TRAF3IP1: variants seen among roughly 807,000 people sequenced by gnomAD.
The protein encoded by TRAF3IP1 is intraflagellar transport 54, also known as TRAF3-interacting protein 1.
Under a neutral mutation model 89.9 loss-of-function variants are expected in TRAF3IP1, and 53 were observed. The ratio of observed to expected loss-of-function variants is 0.59; its 90% CI spans 0.47 to 0.74. The LOEUF (loss-of-function observed/expected upper bound fraction) is 0.74, where lower values mean the gene tolerates loss of function less well. Among genes scored for constraint, TRAF3IP1 ranks in the 30% least tolerant of loss-of-function variants. The probability of loss-of-function intolerance (pLI) is 0.00; values close to 1 mark genes in which losing one functional copy is unlikely to be tolerated. For missense variants in TRAF3IP1, 806 were observed against 866.1 expected, an observed-to-expected ratio of 0.93 and a Z score of 0.87; for synonymous variants, 311 against 322.1, an observed-to-expected ratio of 0.97 and a Z score of 0.37.
intron 14 of TRAF3IP1, among the ~76,000 whole-genome samples, chr2:238,354,750 A>G (rs1184361987): frequency 1.3e-5 from 2 of 152,104 alleles, no homozygotes; most frequent in African/African-American, 2.4e-5. Context: ...TCCCGGGGTC[A>G]AAAGATTCTC....
At chr2:238,361,506 C>T (rs1407403852) in intron 15 of TRAF3IP1, among the ~76,000 whole-genome samples, 1 of 152,044 alleles carries the variant, frequency 6.6e-6, no homozygotes, top group Non-Finnish European at 1.5e-5. Context: ...TTCTTTTTCA[C>T]GTCTAGGTCT....
rs147086754 is a variant in TRAF3IP1, at chr2:238,329,051, C to T, written c.624C>T (p.Gly208=). ...ACAAGGAGAAGGCCAAGGAGAATGG[C>T]GGAAACAGACACAGAGAAGGGGAGA... ...DKDKEKAKEN[G]GNRHREGERE... Residue 208 remains glycine, a synonymous_variant, in exon 5 of 17, where the codon GGC becomes GGT. Transcript: ENST00000373327. The T allele has an allele frequency of 4.6e-5, 72 of 1,551,118 alleles. No homozygotes were observed. The highest frequency in any genetic ancestry group is 3.3e-4 in the Middle Eastern group (2 of 5,994).
rs1000621034 is a variant in TRAF3IP1, at chr2:238,351,441, G to T, written c.1452-1386G>T. ...AATTACTGACCTTCCCTCTGGGCCC[G>T]TGACAAGAGGCCGGTGGGAGGAGCA... On this transcript the variant is annotated intron_variant, in intron 12 of 16. Coordinates refer to ENST00000373327, the MANE Select transcript of TRAF3IP1 (RefSeq NM_015650.4). This position sits in a 1 kb window ranked among gnomAD's most constrained non-coding sequence, Gnocchi z 5.2. Among the ~76,000 whole-genome samples the T allele has an allele frequency of 1.3e-5, 2 of 152,104 alleles. No individual in the cohort carries two copies. The highest frequency in any genetic ancestry group is 1.3e-4 in the Admixed American group (2 of 15,282).
At chr2:238,340,000 C>T (rs1333797970) in intron 8 of TRAF3IP1, among the ~76,000 whole-genome samples, 1 of 144,950 alleles carries the variant, frequency 6.9e-6, no homozygotes, top group East Asian at 2.2e-4. Context: ...CTGATGCCAC[C>T]TGCTGGGGAG....
At chr2:238,390,091 T>C (rs79776530) in intron 15 of TRAF3IP1, among the ~76,000 whole-genome samples, 5,158 of 152,238 alleles carry the variant, frequency 0.034, 276 homozygotes, top group African/African-American at 0.12. Context: ...AAACAGTCTT[T>C]AGCCCGCAGG....
intron 15 of TRAF3IP1, among the ~76,000 whole-genome samples, chr2:238,363,104 G>A (rs997876021): frequency 6.6e-6 from 1 of 151,926 alleles, no homozygotes; most frequent in Non-Finnish European, 1.5e-5. Flanking sequence ...GTGAGACTTT[G>A]AAAAAACTAT....
chr2:238,339,433 C>T (rs141052212), intron 8 of TRAF3IP1, among the ~76,000 whole-genome samples: 35 of 152,340 alleles, frequency 2.3e-4, no homozygotes, highest in African/African-American at 7.9e-4. Context: ...TTTGTGGGAG[C>T]TTTCCTCATC....
At position 238,351,249 on chromosome 2, in the gene TRAF3IP1, A is replaced by G. The variant is rs373046702; in HGVS notation, c.1452-1578A>G. Among the ~76,000 whole-genome samples the G allele has an allele frequency of 1.3e-5, 2 of 152,198 alleles. 1 individual carries two copies. Among genetic ancestry groups the G allele is most frequent in the South Asian group, 4.1e-4 (2 of 4,828 alleles). ...GAAGGATCATTTCTCAATACTTGAA[A>G]TCACAAGTAAGACAGGAGCACCGTT... On this transcript the variant is annotated intron_variant, in intron 12 of 16. Coordinates refer to ENST00000373327, the MANE Select transcript of TRAF3IP1 (RefSeq NM_015650.4). This position sits in a 1 kb window ranked among gnomAD's most constrained non-coding sequence, Gnocchi z 5.2.
intron 15 of TRAF3IP1, among the ~76,000 whole-genome samples, chr2:238,369,000 C>T (rs906849710): frequency 1.3e-5 from 2 of 152,096 alleles, no homozygotes; most frequent in Non-Finnish European, 2.9e-5. Flanking sequence ...AAATAAAATA[C>T]ACTGTGTCTA....
chr2:238,326,510 T>C (rs1697841112), intron 3 of TRAF3IP1, among the ~76,000 whole-genome samples: 1 of 151,920 alleles, frequency 6.6e-6, no homozygotes, highest in South Asian at 2.1e-4. Context: ...GGAGTAGATT[T>C]TTTCTTTCTT....
chr2:238,335,847 T>A (rs923475120), intron 7 of TRAF3IP1, among the ~76,000 whole-genome samples: 1 of 151,912 alleles, frequency 6.6e-6, no homozygotes, highest in South Asian at 2.1e-4. Flanking sequence ...GTTGCCAGAC[T>A]GGAGTGCAGT....
intron 15 of TRAF3IP1, among the ~76,000 whole-genome samples, chr2:238,391,644 G>T (rs1304151565): frequency 6.6e-6 from 1 of 152,104 alleles, no homozygotes; most frequent in Non-Finnish European, 1.5e-5. Flanking sequence ...TAAATTATAA[G>T]CTTTAAGATT....
intron 15 of TRAF3IP1, among the ~76,000 whole-genome samples, chr2:238,362,598 G>A (rs937442416): frequency 6.6e-6 from 1 of 152,156 alleles, no homozygotes; most frequent in Non-Finnish European, 1.5e-5. Flanking sequence ...TTCTCCTTCA[G>A]GATATTTACT....
In TRAF3IP1 at chr2:238,333,958, A is replaced by C; in HGVS notation, c.988-2A>C. ...ATTTCTTTTCATTCTTTTTTCTTTA[A>C]GACTGAGATTTCCACTAGAGCTTCC... On this transcript the variant is annotated splice_acceptor_variant, in intron 6 of 16. Transcript: ENST00000373327. LOFTEE classifies it high-confidence loss of function. The C allele has an allele frequency of 6.2e-7, 1 of 1,603,110 alleles. No individual in the cohort carries two copies. The highest frequency in any genetic ancestry group is 2.2e-5 in the East Asian group (1 of 44,828).
At chr2:238,341,938 T>C (rs1435553059) in intron 8 of TRAF3IP1, among the ~76,000 whole-genome samples, 3 of 151,964 alleles carry the variant, frequency 2.0e-5, no homozygotes, top group African/African-American at 4.8e-5. Context: ...CAGATTGTGC[T>C]TATGCTGTGA....
chr2:238,359,216 C>A (rs758466445), intron 15 of TRAF3IP1, among the ~76,000 whole-genome samples: 1 of 152,196 alleles, frequency 6.6e-6, no homozygotes, highest in Non-Finnish European at 1.5e-5. Context: ...CTCAAAGTGG[C>A]TGTACCAATT....
intron 15 of TRAF3IP1, among the ~76,000 whole-genome samples, chr2:238,385,309 C>G (rs1700724417): frequency 6.6e-6 from 1 of 152,188 alleles, no homozygotes; most frequent in Non-Finnish European, 1.5e-5. Context: ...AACCGCTGCG[C>G]CTGGCCTGTA....
chr2:238,381,358 GC>G (rs1700543317), intron 15 of TRAF3IP1, among the ~76,000 whole-genome samples: 1 of 152,184 alleles, frequency 6.6e-6, no homozygotes, highest in Non-Finnish European at 1.5e-5. Context: ...GGCCTGTAGG[GC>G]CCACTGAACC....
chr2:238,351,486 G>A lies in TRAF3IP1; in HGVS notation c.1452-1341G>A, dbSNP rs1302717450. On this transcript the variant is annotated intron_variant, in intron 12 of 16. Transcript: ENST00000373327. This position sits in a 1 kb window ranked among gnomAD's most constrained non-coding sequence, Gnocchi z 5.2. The stretch of plus-strand genomic sequence containing the variant: ...GGAGCAGCAGCTGCAGCTGAGGGCT[G>A]TGGGGAAGCTGTGTCCTGGAGAGCA... Among the ~76,000 whole-genome samples the A allele has an allele frequency of 6.6e-6, 1 of 152,194 alleles. No individual in the cohort carries two copies. The highest frequency in any genetic ancestry group is 1.5e-5 in the Non-Finnish European group (1 of 68,028).
Sources: gnomAD v4.1 joint callset for allele counts (sites outside exome capture counted in the v4.1 genomes callset) on GRCh38, gnomAD v4.1.1 for gene constraint, Gnocchi (gnomAD v3.1) non-coding constraint, MANE v1.5 for transcripts, NCBI Gene and HGNC (gene_info 2026-07-23, HGNC 2026-07-21) for gene names.